Variants in USP36 observed in about 807,000 individuals in gnomAD.
The protein encoded by USP36 is ubiquitin carboxyl-terminal hydrolase 36.
USP36 carries 59 observed loss-of-function variants against 111.5 expected under a neutral mutation model. That is an observed-to-expected ratio of 0.53 (90% CI 0.43 to 0.66). The LOEUF (loss-of-function observed/expected upper bound fraction) is 0.66, where lower values mean the gene tolerates loss of function less well. Among genes scored for constraint, USP36 ranks in the 30% least tolerant of loss-of-function variants. The pLI, the probability that USP36 is intolerant of heterozygous loss-of-function variation, is 0.00. For missense variants in USP36, 1,488 were observed against 1,468.0 expected (o/e 1.01, Z -0.22); for synonymous variants, 628 against 581.0 (o/e 1.08, Z -1.16).
chr17:78,805,761 G>T (rs2093882199), intron 15 of USP36, among the ~76,000 whole-genome samples: 1 of 152,162 alleles, frequency 6.6e-6, no homozygotes, highest in Non-Finnish European at 1.5e-5. Context: ...AAAACGCTCG[G>T]GACTCCGAGC....
At position 78,825,852 on chromosome 17, in the gene USP36, G is replaced by T. The variant is rs1306831664; in HGVS notation, c.689+1393C>A. On this transcript the variant is annotated intron_variant, in intron 6 of 20. Transcript: ENST00000449938. ...ACCCTCCTCCTGGGGACACCTACTT[G>T]CCTTTGCAGGCCCTCGGGGGTCACT... 1.3e-5 allele frequency among the ~76,000 whole-genome samples: 2 copies of T among 152,182 alleles called. 1 individual carries two copies. The highest frequency in any genetic ancestry group is 1.3e-4 in the Admixed American group (2 of 15,278).
chr17:78,794,273 T>C (rs923275606), downstream of USP36, among the ~76,000 whole-genome samples: 1 of 152,216 alleles, frequency 6.6e-6, no homozygotes, highest in Non-Finnish European at 1.5e-5. Context: ...TGGAATCCAC[T>C]ATCAGCCTCA....
chr17:78,835,542 A>AAGTCC, intron 3 of USP36, 41 bp from the exon 4 acceptor site: 1 of 1,550,682 alleles, frequency 6.4e-7, no homozygotes, highest in Non-Finnish European at 8.7e-7. Context: ...AGGAAGACGT[A>AAGTCC]AGTCCACACA....
intron 16 of USP36, among the ~76,000 whole-genome samples, chr17:78,802,778 G>A (rs996726925): frequency 2.6e-5 from 4 of 152,286 alleles, no homozygotes; most frequent in African/African-American, 9.6e-5. Flanking sequence ...TGACGCCAAT[G>A]TGCAGGCTAC....
intron 5 of USP36, among the ~76,000 whole-genome samples, chr17:78,827,798 A>T (rs1186237142): frequency 6.6e-6 from 1 of 152,220 alleles, no homozygotes; most frequent in Non-Finnish European, 1.5e-5. Flanking sequence ...AGTCCCAGCT[A>T]CTTAGGTGGC....
At chr17:78,801,575 C>T (rs1193141365) in intron 17 of USP36, among the ~76,000 whole-genome samples, 1 of 151,586 alleles carries the variant, frequency 6.6e-6, no homozygotes, top group Non-Finnish European at 1.5e-5. Flanking sequence ...CAAGGCATGC[C>T]CCAGCCAGCC....
intron 6 of USP36, among the ~76,000 whole-genome samples, chr17:78,822,545 G>C (rs2094354591): frequency 6.6e-6 from 1 of 152,170 alleles, no homozygotes; most frequent in African/African-American, 2.4e-5. Flanking sequence ...GGACAGCGGA[G>C]TCAGACGTGG....
chr17:78,791,144 T>C (rs1485346478), downstream of USP36, among the ~76,000 whole-genome samples: 1 of 149,362 alleles, frequency 6.7e-6, no homozygotes, highest in Non-Finnish European at 1.5e-5. Flanking sequence ...TTTTTTTTTT[T>C]TTTTTTTTAG....
At chr17:78,819,555 G>A (rs537440239) in intron 9 of USP36, among the ~76,000 whole-genome samples, 209 of 152,386 alleles carry the variant, frequency 1.4e-3, no homozygotes, top group Admixed American at 2.5e-3. Flanking sequence ...TGGGGCGGCC[G>A]CCCGGTGCCA....
chr17:78,809,126 T>C (rs749536109), intron 13 of USP36, among the ~76,000 whole-genome samples: 22 of 152,260 alleles, frequency 1.4e-4, no homozygotes, highest in Non-Finnish European at 2.2e-4. Context: ...TGAGATCTTT[T>C]GTTTACAAAT....
chr17:78,829,410 G>A (rs1325238272), intron 4 of USP36, among the ~76,000 whole-genome samples: 1 of 152,182 alleles, frequency 6.6e-6, no homozygotes, highest in Non-Finnish European at 1.5e-5. Context: ...ATGGTAAATA[G>A]GCTAAAATAT....
intron 17 of USP36, among the ~76,000 whole-genome samples, chr17:78,800,578 C>A (rs1003416719): frequency 1.3e-5 from 2 of 152,228 alleles, no homozygotes; most frequent in African/African-American, 4.8e-5. Context: ...GTGTCCCCTG[C>A]CCCCACACAG....
intron 3 of USP36, among the ~76,000 whole-genome samples, chr17:78,789,218 AAAG>A (rs1440066509): frequency 2.0e-5 from 3 of 151,080 alleles, no homozygotes; most frequent in South Asian, 2.1e-4. Flanking sequence ...AAAAAAAAAA[AAAG>A]GAGATGAGGT....
intron 6 of USP36, chr17:78,826,648 T>C (rs1365401521): frequency 6.1e-6 from 1 of 164,900 alleles, no homozygotes; most frequent in Non-Finnish European, 1.3e-5. Flanking sequence ...TCCTGCCTGT[T>C]TTCTTTGGTC....
At chr17:78,831,158 G>A (rs1030756121) in intron 4 of USP36, among the ~76,000 whole-genome samples, 2 of 147,688 alleles carry the variant, frequency 1.4e-5, no homozygotes, top group South Asian at 2.1e-4. Flanking sequence ...CCTGGGAGGC[G>A]GAGGTTGCAG....
chr17:78,796,294 C>G lies in USP36; in HGVS notation c.*1606G>C, dbSNP rs2093627803. 1 of 152,200 alleles carries G rather than the reference C, an allele frequency of 6.6e-6. No individual in the cohort carries two copies. The highest frequency in any genetic ancestry group is 1.5e-5 in the Non-Finnish European group (1 of 68,074). The allele number at this position is 152,200 out of a possible 1,614,324, so 9.4% of individuals were successfully genotyped here. Reference sequence around the variant, plus strand: ...GTTCACACAGGAATGCAAGTCAACACCCCGAGAAGAAAAGGAACATACCCT... The same window carrying G: ...GTTCACACAGGAATGCAAGTCAACAGCCCGAGAAGAAAAGGAACATACCCT... On this transcript the variant is annotated 3_prime_UTR_variant, in exon 21 of 21. Transcript: ENST00000449938.
At chr17:78,837,130 C>T (rs1274937955) in intron 2 of USP36, among the ~76,000 whole-genome samples, 2 of 152,052 alleles carry the variant, frequency 1.3e-5, no homozygotes, top group East Asian at 3.8e-4. Context: ...AAATGAATTT[C>T]ACCTGCTTCT....
upstream of USP36, chr17:78,841,358 A>T (rs905369955): frequency 3.1e-4 from 47 of 152,390 alleles, no homozygotes; most frequent in African/African-American, 1.1e-3. Context: ...CCACACGCGG[A>T]GCACCTGCAG....
rs116069648 is a variant in USP36, at chr17:78,808,991, C to A, written c.1408-1355G>T. On this transcript the variant is annotated intron_variant, in intron 13 of 20. Transcript: ENST00000449938. The stretch of plus-strand genomic sequence containing the variant: ...ATGAAATCTGATGCAAAATGCCAAA[C>A]TGCTTTTACTATACTCCAGCCACAT... Among the ~76,000 whole-genome samples the A allele has an allele frequency of 8.4e-3, 1,274 of 152,224 alleles. 13 individuals carry two copies. The highest frequency in any genetic ancestry group is 0.028 in the African/African-American group (1,167 of 41,534).
Sources: allele counts gnomAD v4.1 joint callset (sites outside exome capture counted in the v4.1 genomes callset), GRCh38; gene constraint gnomAD v4.1.1; transcripts MANE v1.5; gene names NCBI Gene and HGNC (gene_info 2026-07-23, HGNC 2026-07-21).